Variants in DTX2 observed in about 807,000 individuals in gnomAD.
DTX2 encodes the protein probable E3 ubiquitin-protein ligase DTX2.
In DTX2, 29 loss-of-function variants were observed where a neutral mutation model predicts 55.3. The ratio of observed to expected loss-of-function variants is 0.52; its 90% CI spans 0.39 to 0.71. The LOEUF is 0.71. DTX2 is among the 30% of genes least tolerant of loss of function. DTX2 has a pLI of 0.00. For synonymous variants in DTX2, 276 were observed against 340.4 expected (o/e 0.81, Z 2.08); for missense variants, 537 against 822.5 (o/e 0.65, Z 4.25).
At chr7:76,471,266 A>G (rs1584131625) in intron 2 of DTX2, among the ~76,000 whole-genome samples, 1 of 136,082 alleles carries the variant, frequency 7.3e-6, no homozygotes, top group African/African-American at 2.8e-5. Context: ...GGTTCACGCC[A>G]TTCTCCTGCC....
chr7:76,480,717 C>T lies in DTX2; in HGVS notation c.208C>T (p.Pro70Ser). Residue 70 changes from proline (P) to serine (S), a missense_variant, in exon 3 of 11, where the codon CCC (proline) becomes TCC (serine). Transcript: ENST00000430490. Reference protein sequence around the residue: ...AHSIPLGQADPSLAPYIIDLP... With the variant: ...AHSIPLGQADSSLAPYIIDLP... ...CAGCATCCCCTTGGGCCAGGCAGACCCCTCGCTGGCCCCTTACATTATTGA... is the reference window on the plus strand; with the variant it reads ...CAGCATCCCCTTGGGCCAGGCAGACTCCTCGCTGGCCCCTTACATTATTGA... The T allele has an allele frequency of 6.2e-7, 1 of 1,613,358 alleles. No homozygotes were observed.
chr7:76,480,742 A>T lies in DTX2; in HGVS notation c.233A>T (p.Asp78Val). 1 of 1,611,060 alleles carries T rather than the reference A, an allele frequency of 6.2e-7. No homozygotes were observed. Among genetic ancestry groups the T allele is most frequent in the Non-Finnish European group, 8.5e-7 (1 of 1,178,574 alleles). ...ADPSLAPYIIDLPSWTQFRQD... is the reference protein window; with the variant it reads ...ADPSLAPYIIVLPSWTQFRQD... ...CCCTCGCTGGCCCCTTACATTATTG[A>T]CCTCCCCAGCTGGACCCAGTTCCGC... Residue 78 changes from aspartate to valine, a missense_variant, in exon 3 of 11, where the codon GAC becomes GTC. This residue lies in a region of DTX2 where 301 missense variants were observed against 396.6 expected (regional missense o/e 0.76). Transcript: ENST00000430490.
At chr7:76,468,984 C>T (rs1661720637) in intron 2 of DTX2, among the ~76,000 whole-genome samples, 2 of 115,106 alleles carry the variant, frequency 1.7e-5, no homozygotes, top group Admixed American at 1.8e-4. Flanking sequence ...AGGCTGGTCT[C>T]AAACTCCTGG....
chr7:76,469,824 A>G (rs1282064189), intron 2 of DTX2, among the ~76,000 whole-genome samples: 5 of 151,620 alleles, frequency 3.3e-5, no homozygotes, highest in Non-Finnish European at 7.4e-5. Context: ...CTCTGGAAAC[A>G]GATTTGGGTT....
chr7:76,482,322 T>C (rs1201831861), intron 3 of DTX2, among the ~76,000 whole-genome samples, 186 bp from the exon 4 acceptor site: 1 of 151,838 alleles, frequency 6.6e-6, no homozygotes, highest in Non-Finnish European at 1.5e-5. Context: ...ATCACATCAC[T>C]GCACTGCAGC....
At chr7:76,481,863 T>C (rs1486465605) in intron 3 of DTX2, among the ~76,000 whole-genome samples, 27 of 151,678 alleles carry the variant, frequency 1.8e-4, no homozygotes, top group Admixed American at 7.9e-4. Flanking sequence ...TGTTTGTTTG[T>C]TTGTTTTTTG....
chr7:76,481,751 A>G (rs1485978197), intron 3 of DTX2, among the ~76,000 whole-genome samples: 3 of 150,632 alleles, frequency 2.0e-5, no homozygotes, highest in East Asian at 3.9e-4. Flanking sequence ...ATTGGCCCAC[A>G]GTGTCACCAG....
chr7:76,481,706 G>T (rs62475653), intron 3 of DTX2, among the ~76,000 whole-genome samples: 29,913 of 151,972 alleles, frequency 0.2, 3,211 homozygotes, highest in South Asian at 0.29. Context: ...CTCGCCATCC[G>T]GCAGTGCACT....
intron 6 of DTX2, chr7:76,500,140 A>G (rs1173017545): frequency 5.0e-5 from 17 of 341,408 alleles, no homozygotes; most frequent in South Asian, 1.2e-4. Flanking sequence ...TCCTCACTCA[A>G]TGTGCGCGGG....
At chr7:76,484,011 C>T (rs1332440038) in intron 4 of DTX2, among the ~76,000 whole-genome samples, 2 of 146,308 alleles carry the variant, frequency 1.4e-5, no homozygotes, top group African/African-American at 2.6e-5. Context: ...GAGCTGTGAT[C>T]GCACCACTGC....
At chr7:76,464,201 G>A (rs1806907563) in intron 2 of DTX2, among the ~76,000 whole-genome samples, 1 of 151,456 alleles carries the variant, frequency 6.6e-6, no homozygotes. Flanking sequence ...GTAGTTGAGG[G>A]GGGTTGTGAA....
intron 6 of DTX2, chr7:76,499,906 T>G (rs1262664150): frequency 2.9e-6 from 1 of 340,666 alleles, no homozygotes; most frequent in Non-Finnish European, 5.9e-6. Context: ...TGACAGACCT[T>G]CCCAGTCAGT....
chr7:76,505,894 G>A lies in DTX2; in HGVS notation c.*293G>A. 3 of 557,210 alleles carry A rather than the reference G, an allele frequency of 5.4e-6. No homozygotes were observed. The highest frequency in any genetic ancestry group is 6.5e-6 in the Non-Finnish European group (2 of 308,880). The allele number at this position is 557,210 out of a possible 1,614,324, so 34.5% of individuals were successfully genotyped here. A position where few individuals can be genotyped will look rare whatever the true frequency, so the allele number is the denominator to read the frequency against. On this transcript the variant is annotated 3_prime_UTR_variant, in exon 11 of 11. Transcript: ENST00000430490. The surrounding 1 kb of genome is among the most constrained non-coding windows in gnomAD (Gnocchi z 4.4). ...GGGCCCGCGGTGCTCGGGGCCTGGT[G>A]TGGGGCGAGTAGAGACTTCCCCAGC... is the stretch of plus-strand genomic sequence containing the variant.
chr7:76,486,668 C>A (rs1809932480), intron 4 of DTX2, among the ~76,000 whole-genome samples: 1 of 122,820 alleles, frequency 8.1e-6, no homozygotes, highest in Admixed American at 9.2e-5. Flanking sequence ...ATGCTCTTGT[C>A]TCCCTTAATG....
In DTX2 at chr7:76,505,433, C is replaced by T. The variant is rs764614517; in HGVS notation, c.1701C>T (p.Ser567=). 1.2e-6 allele frequency: 2 copies of T among 1,603,014 alleles called. No homozygotes were observed. Among genetic ancestry groups the T allele is most frequent in the Admixed American group, 1.7e-5 (1 of 58,660 alleles). The part of the protein sequence containing the change: ...KRRLIFTVGT[S]STTGETDTVV... Reference sequence around the variant, plus strand: ...GGCTCATCTTCACAGTGGGCACGTCCAGCACCACGGGTGAGACGGACACCG... The same window carrying T: ...GGCTCATCTTCACAGTGGGCACGTCTAGCACCACGGGTGAGACGGACACCG... The change falls in exon 11 of 11, where the codon TCC becomes TCT. Residue 567 remains serine (S), a synonymous_variant. Coordinates refer to ENST00000430490, the MANE Select transcript of DTX2 (RefSeq NM_001102594.3). The surrounding 1 kb of genome is among the most constrained non-coding windows in gnomAD (Gnocchi z 4.4).
At chr7:76,469,393 CCTT>C (rs1807615745) in intron 2 of DTX2, among the ~76,000 whole-genome samples, 1 of 129,078 alleles carries the variant, frequency 7.7e-6, no homozygotes, top group Non-Finnish European at 1.6e-5. Context: ...TGTGAATATT[CCTT>C]TTTTTTTTTT....
intron 4 of DTX2, among the ~76,000 whole-genome samples, chr7:76,490,008 A>G (rs1252418783): frequency 1.9e-5 from 2 of 105,414 alleles, no homozygotes; most frequent in South Asian, 3.9e-4. Flanking sequence ...TTTCATAACC[A>G]TGGTTCAGTT....
chr7:76,482,082 T>G (rs1809294926), intron 3 of DTX2, among the ~76,000 whole-genome samples: 1 of 152,168 alleles, frequency 6.6e-6, no homozygotes, highest in Non-Finnish European at 1.5e-5. Context: ...GCCTTCACAG[T>G]GTGTGAAGTC....
Position 76,480,777 on chromosome 7 carries a change from G to A in DTX2, c.268G>A (p.Gly90Ser), listed in dbSNP as rs751041788. 18 of 1,594,928 alleles carry A rather than the reference G, an allele frequency of 1.1e-5. No homozygotes were observed. The highest frequency in any genetic ancestry group is 6.7e-5 in the East Asian group (3 of 44,572). ...CTGGACCCAGTTCCGCCAGGACACC[G>A]GTAAGACGCTGTCTGCCTCTCGCAC... ...PSWTQFRQDT[G>S]TMRAVRRHLF... Residue 90 changes from glycine to serine, a missense_variant and splice_region_variant, in exon 3 of 11, where the codon GGC becomes AGC. Gly to Ser is a moderately conservative substitution (Grantham distance 56). Transcript: ENST00000430490.
Sources: allele counts gnomAD v4.1 joint callset (sites outside exome capture counted in the v4.1 genomes callset), GRCh38; gene constraint gnomAD v4.1.1; regional missense constraint gnomAD v4.1.1; non-coding constraint Gnocchi (gnomAD v3.1); transcripts MANE v1.5; gene names NCBI Gene and HGNC (gene_info 2026-07-23, HGNC 2026-07-21).